ALS2: variants seen among roughly 807,000 people sequenced by gnomAD.
The protein encoded by ALS2 is alsin Rho guanine nucleotide exchange factor ALS2, also known as alsin.
In ALS2, 117 loss-of-function variants were observed where a neutral mutation model predicts 203.4. The observed-to-expected ratio is 0.58, with a 90% CI of 0.50 to 0.67. ALS2 has a LOEUF of 0.67. ALS2 is among the 30% of genes least tolerant of loss of function. ALS2 has a pLI of 0.00. For missense variants in ALS2, 1,715 were observed against 1,989.4 expected (o/e 0.86, Z 2.62); for synonymous variants, 718 against 725.9 (o/e 0.99, Z 0.17).
intron 29 of ALS2, 89 bp downstream of exon 29, chr2:201,706,754 TATA>T: frequency 7.8e-7 from 1 of 1,289,252 alleles, no homozygotes; most frequent in Non-Finnish European, 1.1e-6. Context: ...AAGCCATATA[TATA>T]ATTAGATATC....
At chr2:201,758,736 CAAATAT>C (rs1693554021) in intron 4 of ALS2, among the ~76,000 whole-genome samples, 1 of 133,982 alleles carries the variant, frequency 7.5e-6, no homozygotes, top group Non-Finnish European at 1.6e-5. Flanking sequence ...AACTAAAATA[CAAATAT>C]AATGTGTGTG....
At position 201,726,483 on chromosome 2, in the gene ALS2, C is replaced by T; in HGVS notation, c.3248+1G>A. 1.2e-6 allele frequency: 2 copies of T among 1,613,454 alleles called. No homozygotes were observed. Among genetic ancestry groups the T allele is most frequent in the Non-Finnish European group, 1.7e-6 (2 of 1,179,408 alleles). On this transcript the variant is annotated splice_donor_variant, in intron 19 of 33. Transcript: ENST00000264276. LOFTEE classifies it high-confidence loss of function. ...TGTCATGTTTTACACAATTTTCTTA[C>T]CCATCTTCCAAGCCATTCCTGAACA...
intron 13 of ALS2, among the ~76,000 whole-genome samples, chr2:201,730,504 A>G (rs146577198): frequency 6.6e-6 from 1 of 152,336 alleles, no homozygotes; most frequent in Non-Finnish European, 1.5e-5. Context: ...TTGAGATTTT[A>G]TTATTGGCAA....
At chr2:201,747,368 AGCC>A (rs573313815) in intron 8 of ALS2, among the ~76,000 whole-genome samples, 40 of 152,068 alleles carry the variant, frequency 2.6e-4, no homozygotes, top group African/African-American at 6.8e-4. Flanking sequence ...CAGCAGCAGC[AGCC>A]ATCACCTGGG....
At chr2:201,734,945 A>G (rs895078985) in intron 12 of ALS2, among the ~76,000 whole-genome samples, 2 of 152,202 alleles carry the variant, frequency 1.3e-5, no homozygotes, top group African/African-American at 4.8e-5. Context: ...TAAAGGTAGA[A>G]ACAACCTAAG....
chr2:201,771,694 T>C (rs1430157311), intron 1 of ALS2, among the ~76,000 whole-genome samples: 2 of 152,252 alleles, frequency 1.3e-5, no homozygotes, highest in African/African-American at 2.4e-5. Flanking sequence ...ACCAGTCAAA[T>C]AGCATTCAAA....
At chr2:201,709,192 C>T (rs187010159) in intron 27 of ALS2, among the ~76,000 whole-genome samples, 8 of 152,302 alleles carry the variant, frequency 5.3e-5, no homozygotes, top group South Asian at 4.1e-4. Flanking sequence ...TTGCCTTCTT[C>T]GAGTCTCTGC....
intron 1 of ALS2, among the ~76,000 whole-genome samples, chr2:201,780,287 C>T (rs1162981488): frequency 6.6e-6 from 1 of 152,226 alleles, no homozygotes; most frequent in African/African-American, 2.4e-5. Flanking sequence ...AATAACTTAT[C>T]TTCTCCTCTT....
Position 201,754,663 on chromosome 2 carries a change from T to C in ALS2, c.1480A>G (p.Arg494Gly), listed in dbSNP as rs750567907. The change falls in exon 6 of 34, where the codon AGG becomes GGG. Residue 494 changes from arginine to glycine, a missense_variant. By Grantham distance (125) the Arg-to-Gly change is moderately radical. Transcript: ENST00000264276. ...LPGLLSQVSP[R>G]LLRKAARVKT... Reference sequence around the variant, plus strand: ...ACCCGTGCAGCCTTTCTTAAGAGCCTGGGGGAAACTGAAAACCAACCAGAC... The same window carrying C: ...ACCCGTGCAGCCTTTCTTAAGAGCCCGGGGGAAACTGAAAACCAACCAGAC... 1.9e-6 allele frequency: 3 copies of C among 1,614,030 alleles called. No individual in the cohort carries two copies. Among genetic ancestry groups the C allele is most frequent in the Non-Finnish European group, 1.7e-6 (2 of 1,179,980 alleles).
rs760042507 is a variant in ALS2 at position 201,767,202 on chromosome 2, T to C, written c.175+27A>G. ...AGGCATTTGTTAGCATTGCAGTTCG[T>C]ATTTGTTACGCCATTCTTTTCATTA... On this transcript the variant is annotated intron_variant, in intron 3 of 33. Transcript: ENST00000264276. The C allele has an allele frequency of 5.6e-6, 9 of 1,613,808 alleles. 1 individual carries two copies. In the South Asian group the frequency reaches 9.9e-5, roughly 18 times the overall value.
chr2:201,709,874 C>G lies in ALS2; in HGVS notation c.4280+7G>C. The stretch of plus-strand genomic sequence containing the variant: ...AGCCCGCAGACTTTAGTGAAAAGCT[C>G]TCTTACCTCACCAGCTGGAAAATTC... On this transcript the variant is annotated splice_region_variant and intron_variant, in intron 27 of 33. Transcript: ENST00000264276. 2 of 1,614,000 alleles carry G rather than the reference C, an allele frequency of 1.2e-6. No homozygotes were observed. The highest frequency in any genetic ancestry group is 1.7e-6 in the Non-Finnish European group (2 of 1,179,964).
chr2:201,771,362 C>T (rs550678957), intron 1 of ALS2, among the ~76,000 whole-genome samples: 2 of 152,062 alleles, frequency 1.3e-5, no homozygotes, highest in Non-Finnish European at 2.9e-5. Flanking sequence ...CGGCCCCTAT[C>T]TCATTTTGTT....
Position 201,729,162 on chromosome 2 carries a change from G to A in ALS2, c.2602C>T (p.Leu868=). ...TCATAACAAGAACTGGAATCCTGCA[G>A]TTTCTGATATTCTGGAGATGCCTAC... ...FEVASPEYQK[L]QDSSSCYECL... The change falls in exon 14 of 34, where the codon CTG becomes TTG. Residue 868 remains leucine, a synonymous_variant. Transcript: ENST00000264276. The A allele has an allele frequency of 6.2e-7, 1 of 1,613,008 alleles. No homozygotes were observed. Among genetic ancestry groups the A allele is most frequent in the East Asian group, 2.2e-5 (1 of 44,828 alleles).
intron 10 of ALS2, 84 bp from the exon 11 acceptor site, chr2:201,741,938 C>A: frequency 8.1e-7 from 1 of 1,233,892 alleles, no homozygotes; most frequent in Non-Finnish European, 1.2e-6. Context: ...ATGAATTCCT[C>A]TAAGACTACT....
chr2:201,744,178 G>C, intron 10 of ALS2, 80 bp downstream of exon 10: 2 of 1,458,242 alleles, frequency 1.4e-6, no homozygotes, highest in Non-Finnish European at 1.9e-6. Context: ...TAAACTAACA[G>C]GTTTTCATTA....
Position 201,709,952 on chromosome 2 carries a change from G to A in ALS2, c.4209C>T (p.Ala1403=). 2 of 1,614,120 alleles carry A rather than the reference G, an allele frequency of 1.2e-6. No individual in the cohort carries two copies. The highest frequency in any genetic ancestry group is 1.7e-6 in the Non-Finnish European group (2 of 1,179,992). Residue 1403 remains alanine, a synonymous_variant, in exon 27 of 34, where the codon GCC becomes GCT. Transcript: ENST00000264276. ...VYRMTYVGVG[A]NRRLLQEAVK... is the part of the protein sequence containing the mutation. ...CAGCCTCCTGCAATAACCTGCGGTT[G>A]GCTCCTACGCCCACGTATGTCATTC...
chr2:201,728,444 A>G, intron 15 of ALS2, 68 bp downstream of exon 15: 1 of 1,572,212 alleles, frequency 6.4e-7, no homozygotes, highest in Non-Finnish European at 8.8e-7. Flanking sequence ...ACATAAACTG[A>G]TAGTACAGTT....
intron 3 of ALS2, among the ~76,000 whole-genome samples, chr2:201,766,441 T>C (rs1191535937): frequency 1.3e-5 from 2 of 148,464 alleles, no homozygotes; most frequent in African/African-American, 2.5e-5. Flanking sequence ...AGGTCAGGAG[T>C]TCAAGACCAG....
At chr2:201,704,822 C>T (rs932497036) in intron 31 of ALS2, among the ~76,000 whole-genome samples, 3 of 152,284 alleles carry the variant, frequency 2.0e-5, no homozygotes, top group East Asian at 3.9e-4. Flanking sequence ...CTTTTACCCA[C>T]GTGAAATCTC....
Sources: gnomAD v4.1 joint callset for allele counts (sites outside exome capture counted in the v4.1 genomes callset) on GRCh38, gnomAD v4.1.1 for gene constraint, MANE v1.5 for transcripts, NCBI Gene and HGNC (gene_info 2026-07-23, HGNC 2026-07-21) for gene names.